LGI4: variants seen among roughly 807,000 people sequenced by gnomAD.
The protein encoded by LGI4 is leucine rich repeat LGI family member 4, also known as leucine-rich repeat LGI family member 4.
A neutral mutation model predicts 48.3 loss-of-function variants in LGI4; 36 were observed. The observed-to-expected ratio is 0.75, with a 90% CI of 0.57 to 0.98. The LOEUF is 0.98. Among genes scored for constraint, LGI4 ranks in the 50% least tolerant of loss-of-function variants. The pLI is 0.00. For missense variants in LGI4, 701 were observed against 732.1 expected, an observed-to-expected ratio of 0.96 and a Z score of 0.49; for synonymous variants, 355 against 331.6, an observed-to-expected ratio of 1.07 and a Z score of -0.77.
rs116740527 is a variant in LGI4 at position 35,130,620 on chromosome 19, A to G, written c.628+766T>C. On this transcript the variant is annotated intron_variant, in intron 6 of 8. Coordinates refer to ENST00000310123, the MANE Select transcript of LGI4 (RefSeq NM_139284.3). ...GCTTAGGCAGGAGGATCTCTTGAGC[A>G]CAGGAGTTTGAGGCTGCAGTGAGCT... Among the ~76,000 whole-genome samples the G allele has an allele frequency of 7.0e-3, 1,064 of 152,328 alleles. 13 individuals carry two copies. Among genetic ancestry groups the G allele is most frequent in the African/African-American group, 0.024 (992 of 41,572 alleles).
intron 1 of LGI4, 99 bp from the exon 2 acceptor site, chr19:35,134,203 C>T (rs2065194100): frequency 6.2e-6 from 7 of 1,128,194 alleles, no homozygotes; most frequent in African/African-American, 1.5e-5. Flanking sequence ...GCGTGCCACC[C>T]TGACCCTGGA....
At position 35,125,110 on chromosome 19, in the gene LGI4, G is replaced by T. The variant is rs370592226; in HGVS notation, c.*83C>A. The T allele has an allele frequency of 3.3e-6, 4 of 1,221,792 alleles. No individual in the cohort carries two copies. In the South Asian group the frequency reaches 5.0e-5, roughly 15 times the overall value. The allele number at this position is 1,221,792 out of a possible 1,614,324, so 75.7% of individuals were successfully genotyped here. ...GGCCCACGGTCAGCAGCTCACAGGC[G>T]GGCCATCACCCCAAGTAGGGCCAGG... On this transcript the variant is annotated 3_prime_UTR_variant, in exon 9 of 9. Coordinates refer to ENST00000310123, the MANE Select transcript of LGI4 (RefSeq NM_139284.3).
At position 35,125,276 on chromosome 19, in the gene LGI4, C is replaced by T. The variant is rs183319525; in HGVS notation, c.1531G>A (p.Ala511Thr). The T allele has an allele frequency of 6.2e-7, 1 of 1,604,118 alleles. No individual in the cohort carries two copies. The highest frequency in any genetic ancestry group is 8.5e-7 in the Non-Finnish European group (1 of 1,174,030). The change falls in exon 9 of 9, where the codon GCC (alanine) becomes ACC (threonine). Residue 511 changes from alanine to threonine, a missense_variant. Physicochemically the swap from Ala to Thr is moderately conservative, Grantham distance 58. Around this residue, in one of 3 missense-constraint regions of LGI4, gnomAD observed 223 missense variants for 263.3 expected, o/e 0.85. Transcript: ENST00000310123. Reference protein sequence around the residue: ...APRAFAHITMAGRRFLFAACF... With the variant: ...APRAFAHITMTGRRFLFAACF... Reference sequence around the variant, plus strand: ...GCAGCAAAGAGGAAGCGTCTGCCGGCCATAGTGATGTGGGCAAAGGCACGG... The same window carrying T: ...GCAGCAAAGAGGAAGCGTCTGCCGGTCATAGTGATGTGGGCAAAGGCACGG...
intron 8 of LGI4, 163 bp from the exon 9 acceptor site, chr19:35,125,670 GC>G (rs1199484170): frequency 1.4e-6 from 1 of 723,656 alleles, no homozygotes; most frequent in Non-Finnish European, 2.4e-6. Context: ...GTTGTTCTGA[GC>G]CCTTCCCTTG....
rs1392051087 is a variant in LGI4 at position 35,126,549 on chromosome 19, G to A, written c.1020C>T (p.Gly340=). The change falls in exon 8 of 9, where the codon GGC becomes GGT. Residue 340 remains glycine, a synonymous_variant. Transcript: ENST00000310123. ...CFVVADASKA[G]STTLLCRDGP... ...CGTCGCGGCACAGCAGCGTGGTGCT[G>A]CCCGCCTTGGAGGCATCGGCCACCA... is the stretch of plus-strand genomic sequence containing the variant. 10 of 1,540,370 alleles carry A rather than the reference G, an allele frequency of 6.5e-6. No individual in the cohort carries two copies. The highest frequency in any genetic ancestry group is 3.5e-6 in the Non-Finnish European group (4 of 1,148,182).
At chr19:35,133,236 G>T in intron 3 of LGI4, 1 of 552,666 alleles carries the variant, frequency 1.8e-6, no homozygotes, top group Non-Finnish European at 2.4e-6. Flanking sequence ...GTCATGCTGT[G>T]ACTGCCACCG....
chr19:35,127,036 G>C lies in LGI4; in HGVS notation c.629-19C>G. 11 of 1,562,860 alleles carry C rather than the reference G, an allele frequency of 7.0e-6. No individual in the cohort carries two copies. The highest frequency in any genetic ancestry group is 9.6e-6 in the Non-Finnish European group (11 of 1,151,302). The stretch of plus-strand genomic sequence containing the variant: ...GACAGCTCTGTGGGTGGAGAAGAGA[G>C]TCAGGCAGGCCCCAGGACCCCCAGG... On this transcript the variant is annotated intron_variant, in intron 6 of 8. Transcript: ENST00000310123.
chr19:35,133,408 C>T, intron 3 of LGI4: 2 of 1,268,616 alleles, frequency 1.6e-6, no homozygotes, highest in Non-Finnish European at 2.0e-6. Context: ...CAGGGAGAGC[C>T]AGAATCAGGC....
At chr19:35,133,458 A>G in intron 3 of LGI4, 1 of 1,362,722 alleles carries the variant, frequency 7.3e-7, no homozygotes, top group South Asian at 1.7e-5. Context: ...GAAGCAGAGA[A>G]GTGAGGTGAT....
At chr19:35,127,532 C>G (rs1236433902) in intron 6 of LGI4, among the ~76,000 whole-genome samples, 1 of 151,940 alleles carries the variant, frequency 6.6e-6, no homozygotes, top group East Asian at 1.9e-4. Context: ...GAATTACAGG[C>G]GCCCGCTACC....
In LGI4 at chr19:35,131,449, C is replaced by T. The variant is rs773112302; in HGVS notation, c.565G>A (p.Ala189Thr). 4.9e-5 allele frequency: 76 copies of T among 1,551,752 alleles called. No individual in the cohort carries two copies. The highest frequency in any genetic ancestry group is 1.6e-4 in the Admixed American group (8 of 51,066). Residue 189 changes from alanine to threonine, a missense_variant, in exon 6 of 9, where the codon GCC (alanine) becomes ACC (threonine). Physicochemically the swap from Ala to Thr is moderately conservative, Grantham distance 58. Around this residue, in one of 3 missense-constraint regions of LGI4, gnomAD observed 462 missense variants for 436.4 expected, o/e 1.06. Coordinates refer to ENST00000310123, the MANE Select transcript of LGI4 (RefSeq NM_139284.3). The stretch of plus-strand genomic sequence containing the variant: ...TGGAGCTGCATGTGGCTCAGGGAGG[C>T]GGGGCCCGCACAGGCGCCGGTCCCC... ...SVGTGACAGP[A>T]SLSHMQLHHL...
chr19:35,127,652 C>G (rs938660324), intron 6 of LGI4, among the ~76,000 whole-genome samples: 23 of 152,210 alleles, frequency 1.5e-4, no homozygotes, highest in Admixed American at 1.3e-3. Flanking sequence ...TCCCAAAGTG[C>G]TGGGATTACA....
In LGI4 at chr19:35,126,561, G is replaced by A. The variant is rs1363924577; in HGVS notation, c.1008C>T (p.Ala336=). 6.5e-7 allele frequency: 1 copy of A among 1,540,104 alleles called. No homozygotes were observed. Among genetic ancestry groups the A allele is most frequent in the Admixed American group, 2.0e-5 (1 of 51,062 alleles). ...EGQPCFVVAD[A]SKAGSTTLLC... Reference sequence around the variant, plus strand: ...GCAGCGTGGTGCTGCCCGCCTTGGAGGCATCGGCCACCACGAAGCAGGGTT... The same window carrying A: ...GCAGCGTGGTGCTGCCCGCCTTGGAAGCATCGGCCACCACGAAGCAGGGTT... Residue 336 remains alanine, a synonymous_variant, in exon 8 of 9, where the codon GCC becomes GCT. Coordinates refer to ENST00000310123, the MANE Select transcript of LGI4 (RefSeq NM_139284.3).
At chr19:35,134,351 GC>G (rs1427108538) in intron 1 of LGI4, among the ~76,000 whole-genome samples, 159 bp downstream of exon 1, 6 of 152,238 alleles carry the variant, frequency 3.9e-5, no homozygotes, top group Non-Finnish European at 5.9e-5. Context: ...CTTCCCAGAT[GC>G]CAGCACCCCT....
chr19:35,134,966 GTTTC>G lies in LGI4; in HGVS notation c.-290_-287del, dbSNP rs1020557929. The G allele has an allele frequency of 1.2e-5, 5 of 422,824 alleles. No individual in the cohort carries two copies. Among genetic ancestry groups the G allele is most frequent in the African/African-American group, 1.0e-4 (5 of 47,976 alleles). 26.2% of individuals were successfully genotyped at this position (422,824 alleles called of 1,614,324 possible). ...TCTGTCTTTGTCTCTCTTTCTGCCT[GTTTC>G]TTTTTTTCTGTGTTGCTGTCAGTCT... On this transcript the variant is annotated 5_prime_UTR_variant, in exon 1 of 9. Coordinates refer to ENST00000310123, the MANE Select transcript of LGI4 (RefSeq NM_139284.3).
At chr19:35,129,118 G>A (rs1445672343) in intron 6 of LGI4, among the ~76,000 whole-genome samples, 2 of 152,108 alleles carry the variant, frequency 1.3e-5, no homozygotes, top group Non-Finnish European at 2.9e-5. Flanking sequence ...GTAAGGCCAC[G>A]GCTCAGGTCG....
intron 2 of LGI4, 60 bp from the exon 3 acceptor site, chr19:35,133,824 C>T (rs1210481317): frequency 7.8e-6 from 12 of 1,529,506 alleles, no homozygotes; most frequent in Admixed American, 1.9e-5. Flanking sequence ...GACATTTTAA[C>T]CCTGGCCTCC....
chr19:35,125,564 A>T, intron 8 of LGI4, 57 bp from the exon 9 acceptor site: 2 of 1,405,644 alleles, frequency 1.4e-6, no homozygotes, highest in South Asian at 2.8e-5. Flanking sequence ...GGGGCCGTGG[A>T]ACAGCTTGGA....
At position 35,125,073 on chromosome 19, in the gene LGI4, G is replaced by T; in HGVS notation, c.*120C>A. The T allele has an allele frequency of 2.5e-6, 2 of 801,284 alleles. No homozygotes were observed. Among genetic ancestry groups the T allele is most frequent in the Non-Finnish European group, 3.8e-6 (2 of 527,044 alleles). 49.6% of individuals were successfully genotyped at this position (801,284 alleles called of 1,614,324 possible). A position where few individuals can be genotyped will look rare whatever the true frequency, so the allele number is the denominator to read the frequency against. On this transcript the variant is annotated 3_prime_UTR_variant, in exon 9 of 9. Transcript: ENST00000310123. ...AGTGGGCTTAAGGCCTAGACGTGTG[G>T]CTGATGAACGTGGCCCACGGTCAGC...
Sources: gnomAD v4.1 joint callset for allele counts (sites outside exome capture counted in the v4.1 genomes callset) on GRCh38, gnomAD v4.1.1 for gene constraint, gnomAD v4.1.1 regional missense constraint, MANE v1.5 for transcripts, NCBI Gene and HGNC (gene_info 2026-07-23, HGNC 2026-07-21) for gene names.